Variants in SKA3 observed in about 807,000 individuals in gnomAD.
The protein encoded by SKA3 is spindle and kinetochore associated complex subunit 3.
In SKA3, 39 loss-of-function variants were observed where a neutral mutation model predicts 44.2. The observed-to-expected ratio is 0.88, with a 90% confidence interval of 0.68 to 1.15. The LOEUF is 1.15. Ranked by LOEUF, SKA3 falls within the 50% of genes most tolerant of loss-of-function variation. The pLI, the probability that SKA3 is intolerant of heterozygous loss-of-function variation, is 0.00. For synonymous variants in SKA3, 192 were observed against 172.0 expected, an observed-to-expected ratio of 1.12 and a Z score of -0.91; for missense variants, 511 against 485.8, an observed-to-expected ratio of 1.05 and a Z score of -0.49.
intron 3 of SKA3, 23 bp from the exon 4 acceptor site, chr13:21,168,422 T>A: frequency 8.6e-7 from 1 of 1,166,874 alleles, no homozygotes; most frequent in Non-Finnish European, 1.1e-6. Flanking sequence ...ATCAGAATAT[T>A]CTGGTCAAAC....
intron 5 of SKA3, among the ~76,000 whole-genome samples, chr13:21,160,992 G>A (rs937231320): frequency 1.3e-5 from 2 of 152,134 alleles, no homozygotes; most frequent in African/African-American, 4.8e-5. Context: ...GCATGGTGGT[G>A]TAAGCCTGTA....
chr13:21,158,131 G>C lies in SKA3; in HGVS notation c.916-6C>G. ...AATGGGTAATTTGTGGATACCTATT[G>C]AATAAAAATAGACCATTAAATTATG... On this transcript the variant is annotated splice_polypyrimidine_tract_variant and splice_region_variant and intron_variant, in intron 6 of 8. Transcript: ENST00000314759. The C allele has an allele frequency of 8.5e-7, 1 of 1,170,310 alleles. No homozygotes were observed. Among genetic ancestry groups the C allele is most frequent in the Non-Finnish European group, 1.2e-6 (1 of 862,800 alleles). The allele number at this position is 1,170,310 out of a possible 1,614,324, so 72.5% of individuals were successfully genotyped here. A position where few individuals can be genotyped will look rare whatever the true frequency, so the allele number is the denominator to read the frequency against.
chr13:21,164,643 G>C lies in SKA3; in HGVS notation c.744-2768C>G, dbSNP rs143938416. Among the ~76,000 whole-genome samples, 707 of 152,240 alleles carry C rather than the reference G, an allele frequency of 4.6e-3. 6 individuals carry two copies. The highest frequency in any genetic ancestry group is 0.016 in the African/African-American group (672 of 41,554). ...CTGTCCATTGCCTAGGCTGCTTTTG[G>C]TGTTAGTGGTTTCTTATTAGTATGT... On this transcript the variant is annotated intron_variant, in intron 4 of 8. Coordinates refer to ENST00000314759, the MANE Select transcript of SKA3 (RefSeq NM_145061.6).
chr13:21,158,198 T>C, intron 6 of SKA3, 73 bp from the exon 7 acceptor site: 1 of 913,398 alleles, frequency 1.1e-6, no homozygotes, highest in Non-Finnish European at 1.5e-6. Context: ...GTTAATCATT[T>C]GTTACTTCTA....
intron 1 of SKA3, among the ~76,000 whole-genome samples, chr13:21,174,757 G>A (rs957411020): frequency 3.3e-5 from 3 of 92,238 alleles, no homozygotes; most frequent in East Asian, 7.3e-4. Context: ...AAAAAAAAGT[G>A]CGTACTGCTC....
Position 21,168,337 on chromosome 13 carries a change from T to C in SKA3, c.394A>G (p.Thr132Ala). Residue 132 changes from threonine (T) to alanine (A), a missense_variant, in exon 4 of 9, where the codon ACT (threonine) becomes GCT (alanine). Thr to Ala is a moderately conservative substitution (Grantham distance 58). Coordinates refer to ENST00000314759, the MANE Select transcript of SKA3 (RefSeq NM_145061.6). Reference protein sequence around the residue: ...ELSNCENFQKTDVKDDLSDPP... With the variant: ...ELSNCENFQKADVKDDLSDPP... ...TCAGACAGATCATCTTTCACATCAG[T>C]CTTCTGAAAATTTTCACAATTAGAC... The C allele has an allele frequency of 6.2e-7, 1 of 1,614,014 alleles. No individual in the cohort carries two copies. Among genetic ancestry groups the C allele is most frequent in the Non-Finnish European group, 8.5e-7 (1 of 1,179,972 alleles).
rs1869963379 is a variant in SKA3, at chr13:21,154,210, C to T, written c.*940G>A. 2 of 152,234 alleles carry T rather than the reference C, an allele frequency of 1.3e-5. No individual in the cohort carries two copies. The highest frequency in any genetic ancestry group is 4.1e-4 in the South Asian group (2 of 4,838). The allele number at this position is 152,234 out of a possible 1,614,324, so 9.4% of individuals were successfully genotyped here. A position where few individuals can be genotyped will look rare whatever the true frequency, so the allele number is the denominator to read the frequency against. On this transcript the variant is annotated 3_prime_UTR_variant, in exon 9 of 9. Coordinates refer to ENST00000314759, the MANE Select transcript of SKA3 (RefSeq NM_145061.6). ...TGCTAGGTCCTTATTTTCTCATTGG[C>T]TGTAATTTGACAAGTTCTCCAAAAG...
chr13:21,161,556 G>A (rs1870440483), intron 5 of SKA3, among the ~76,000 whole-genome samples: 1 of 152,132 alleles, frequency 6.6e-6, no homozygotes, highest in Non-Finnish European at 1.5e-5. Flanking sequence ...AAATTAAAAT[G>A]TTAATAACAA....
chr13:21,176,467 A>T lies in SKA3; in HGVS notation c.11T>A (p.Ile4Asn), dbSNP rs757629947. 6 of 1,568,540 alleles carry T rather than the reference A, an allele frequency of 3.8e-6. No individual in the cohort carries two copies. In the South Asian group the frequency reaches 5.8e-5, roughly 15 times the overall value. MDP[I>N]RSFCGKLRSL... Reference sequence around the variant, plus strand: ...CCGCAGCTTCCCGCAGAAGCTCCGGATAGGGTCCATGCTGAGCACAGCGGG... The same window carrying T: ...CCGCAGCTTCCCGCAGAAGCTCCGGTTAGGGTCCATGCTGAGCACAGCGGG... Residue 4 changes from isoleucine (I) to asparagine (N), a missense_variant, in exon 1 of 9, where the codon ATC (isoleucine) becomes AAC (asparagine). Physicochemically the swap from Ile to Asn is moderately radical, Grantham distance 149. Coordinates refer to ENST00000314759, the MANE Select transcript of SKA3 (RefSeq NM_145061.6).
rs61950353 is a variant in SKA3 at position 21,168,172 on chromosome 13, C to A, written c.559G>T (p.Val187Leu). ...QAVNNYKEEPVIVTPPTKQSL... is the reference protein window; with the variant it reads ...QAVNNYKEEPLIVTPPTKQSL... ...TGTTTGGTAGGTGGGGTTACAATTA[C>A]GGGCTCTTCCTTATAGTTGTTCACT... The change falls in exon 4 of 9, where the codon GTA becomes TTA. Residue 187 changes from valine to leucine, a missense_variant. Transcript: ENST00000314759. The A allele has an allele frequency of 2.5e-6, 4 of 1,613,862 alleles. No individual in the cohort carries two copies.
At chr13:21,172,163 G>T in intron 3 of SKA3, 176 bp downstream of exon 3, 1 of 435,510 alleles carries the variant, frequency 2.3e-6, no homozygotes, top group Non-Finnish European at 4.0e-6. Context: ...TTACACCCCT[G>T]ATTAGCACTC....
At chr13:21,172,304 C>T (rs764361728) in intron 3 of SKA3, 35 bp downstream of exon 3, 2 of 1,425,886 alleles carry the variant, frequency 1.4e-6, no homozygotes, top group Non-Finnish European at 1.9e-6. Flanking sequence ...TTCTTCAATA[C>T]TAAAACAAAT....
At chr13:21,162,100 G>T (rs943405867) in intron 4 of SKA3, among the ~76,000 whole-genome samples, 5 of 152,170 alleles carry the variant, frequency 3.3e-5, no homozygotes, top group Non-Finnish European at 7.3e-5. Context: ...AGGGAACTAT[G>T]TAACTCCTGG....
chr13:21,157,639 T>C (rs1037369643), intron 7 of SKA3, among the ~76,000 whole-genome samples: 2 of 152,314 alleles, frequency 1.3e-5, no homozygotes, highest in Admixed American at 1.3e-4. Flanking sequence ...AACACTGGTA[T>C]GTTATTCATG....
At chr13:21,171,422 A>G (rs550539698) in intron 3 of SKA3, among the ~76,000 whole-genome samples, 32 of 152,124 alleles carry the variant, frequency 2.1e-4, no homozygotes, top group African/African-American at 7.7e-4. Flanking sequence ...TAAAAATACA[A>G]AAAAATTAGC....
At position 21,168,173 on chromosome 13, in the gene SKA3, G is replaced by A. The variant is rs771498924; in HGVS notation, c.558C>T (p.Pro186=). Residue 186 remains proline, a synonymous_variant, in exon 4 of 9, where the codon CCC becomes CCT. Coordinates refer to ENST00000314759, the MANE Select transcript of SKA3 (RefSeq NM_145061.6). ...PQAVNNYKEE[P]VIVTPPTKQS... ...GTTTGGTAGGTGGGGTTACAATTAC[G>A]GGCTCTTCCTTATAGTTGTTCACTG... 1.7e-5 allele frequency: 28 copies of A among 1,613,852 alleles called. No individual in the cohort carries two copies. Among genetic ancestry groups the A allele is most frequent in the Non-Finnish European group, 2.3e-5 (27 of 1,179,968 alleles).
At position 21,157,922 on chromosome 13, in the gene SKA3, C is replaced by T. The variant is rs1227233109; in HGVS notation, c.1119G>A (p.Gln373=). The change falls in exon 7 of 9, where the codon CAG becomes CAA. Residue 373 remains glutamine, a splice_region_variant and synonymous_variant. Coordinates refer to ENST00000314759, the MANE Select transcript of SKA3 (RefSeq NM_145061.6). Reference sequence around the variant, plus strand: ...AAAAAAAATAGCCTGGAAAAATAACCTGGAGAATATCTTCTGGAATTTTAG... The same window carrying T: ...AAAAAAAATAGCCTGGAAAAATAACTTGGAGAATATCTTCTGGAATTTTAG... ...EVTKIPEDIL[Q]LLSKYNSNLA... The T allele has an allele frequency of 6.4e-7, 1 of 1,567,278 alleles. No individual in the cohort carries two copies. Among genetic ancestry groups the T allele is most frequent in the Non-Finnish European group, 8.6e-7 (1 of 1,158,448 alleles).
In SKA3 at chr13:21,172,443, A is replaced by G. The variant is rs755095514; in HGVS notation, c.227T>C (p.Ile76Thr). 4 of 1,591,818 alleles carry G rather than the reference A, an allele frequency of 2.5e-6. No individual in the cohort carries two copies. The change falls in exon 3 of 9, where the codon ATA becomes ACA. Residue 76 changes from isoleucine to threonine, a missense_variant. Transcript: ENST00000314759. Reference protein sequence around the residue: ...RLENQEGIDFIKATKVLMEKN... With the variant: ...RLENQEGIDFTKATKVLMEKN... ...TTCCATTAGTACTTTTGTTGCCTTTATGAAATCAATGCCTTCTTGATTTTC... is the reference window on the plus strand; with the variant it reads ...TTCCATTAGTACTTTTGTTGCCTTTGTGAAATCAATGCCTTCTTGATTTTC...
At chr13:21,167,489 G>T (rs766736700) in intron 4 of SKA3, among the ~76,000 whole-genome samples, 1 of 152,016 alleles carries the variant, frequency 6.6e-6, no homozygotes, top group Non-Finnish European at 1.5e-5. Context: ...CTTATTGGCC[G>T]GGCGCGGTGG....
Sources: gnomAD v4.1 joint callset for allele counts (sites outside exome capture counted in the v4.1 genomes callset) on GRCh38, gnomAD v4.1.1 for gene constraint, MANE v1.5 for transcripts, NCBI Gene and HGNC (gene_info 2026-07-23, HGNC 2026-07-21) for gene names.